HIVEP2: variants seen among roughly 807,000 people sequenced by gnomAD.
HIVEP2 encodes the protein transcription factor HIVEP2.
Under a neutral mutation model 180.7 loss-of-function variants are expected in HIVEP2, and 14 were observed. The ratio of observed to expected loss-of-function variants is 0.08; its 90% CI spans 0.05 to 0.12. The LOEUF is 0.12. Ranked by LOEUF, HIVEP2 falls within the 10% of genes least tolerant of loss-of-function variation. The pLI, the probability that HIVEP2 is intolerant of heterozygous loss-of-function variation, is 1.00. For missense variants in HIVEP2, 2,579 were observed against 3,008.5 expected, an observed-to-expected ratio of 0.86 and a Z score of 3.34; for synonymous variants, 1,184 against 1,136.4, an observed-to-expected ratio of 1.04 and a Z score of -0.84.
intron 2 of HIVEP2, among the ~76,000 whole-genome samples, chr6:142,801,980 C>T (rs1189387121): frequency 6.6e-6 from 1 of 152,060 alleles, no homozygotes; most frequent in Admixed American, 6.6e-5. Flanking sequence ...CTCACTGTGC[C>T]ATATTAATCT....
At chr6:142,799,750 T>C (rs1776361665) in intron 2 of HIVEP2, among the ~76,000 whole-genome samples, 1 of 152,136 alleles carries the variant, frequency 6.6e-6, no homozygotes, top group African/African-American at 2.4e-5. Flanking sequence ...AATAGCAAAC[T>C]AGTGACATCA....
intron 1 of HIVEP2, among the ~76,000 whole-genome samples, chr6:142,902,378 C>A (rs995534070): frequency 6.6e-6 from 1 of 152,160 alleles, no homozygotes; most frequent in Non-Finnish European, 1.5e-5. Flanking sequence ...TCCAAAATGT[C>A]AATTCCATCT....
intron 1 of HIVEP2, among the ~76,000 whole-genome samples, chr6:142,897,601 C>T (rs543097026): frequency 5.0e-4 from 76 of 152,214 alleles, no homozygotes; most frequent in African/African-American, 1.4e-3. Flanking sequence ...ACACACATGA[C>T]GCAGAGCATA....
intron 1 of HIVEP2, among the ~76,000 whole-genome samples, chr6:142,906,102 C>A (rs1777258616): frequency 6.6e-6 from 1 of 152,052 alleles, no homozygotes; most frequent in Admixed American, 6.5e-5. Flanking sequence ...CCATTGCACT[C>A]CAGCCTAGTT....
intron 1 of HIVEP2, among the ~76,000 whole-genome samples, chr6:142,885,893 A>T (rs113865262): frequency 1.9e-4 from 29 of 152,170 alleles, no homozygotes; most frequent in Admixed American, 2.0e-4. Flanking sequence ...TCAAATAATG[A>T]TTTCTCTTCT....
At chr6:142,825,927 A>G (rs1362214359) in intron 2 of HIVEP2, among the ~76,000 whole-genome samples, 1 of 152,090 alleles carries the variant, frequency 6.6e-6, no homozygotes, top group African/African-American at 2.4e-5. Context: ...GGGCATATGT[A>G]AAATAAAAAT....
In HIVEP2 at chr6:142,768,614, T is replaced by C. The variant is rs978904829; in HGVS notation, c.5188-78A>G. 11 of 1,442,458 alleles carry C rather than the reference T, an allele frequency of 7.6e-6. No individual in the cohort carries two copies. In the African/African-American group the frequency reaches 1.4e-4, roughly 19 times the overall value. The allele number at this position is 1,442,458 out of a possible 1,614,324, so 89.4% of individuals were successfully genotyped here. The stretch of plus-strand genomic sequence containing the variant: ...GCCCCTATGTCCCACTCTTCCATCA[T>C]CTCTGAAAATGAGCCTAAATTCTGT... On this transcript the variant is annotated intron_variant, in intron 5 of 9. Transcript: ENST00000367603.
intron 2 of HIVEP2, among the ~76,000 whole-genome samples, chr6:142,826,191 C>G (rs1028401496): frequency 6.6e-6 from 1 of 152,108 alleles, no homozygotes; most frequent in East Asian, 1.9e-4. Context: ...TTACATAATT[C>G]TTGGTTTAGG....
intron 1 of HIVEP2, among the ~76,000 whole-genome samples, chr6:142,913,654 C>A (rs899376618): frequency 6.6e-5 from 10 of 152,188 alleles, no homozygotes; most frequent in Non-Finnish European, 1.0e-4. Context: ...GAGAGCACAA[C>A]TGATGACAAT....
chr6:142,849,807 C>T (rs550640558), intron 1 of HIVEP2, among the ~76,000 whole-genome samples: 4 of 152,258 alleles, frequency 2.6e-5, no homozygotes, highest in East Asian at 3.9e-4. Flanking sequence ...GTATGAGCCA[C>T]CACGCCTGGC....
chr6:142,926,878 G>C (rs7772306), intron 1 of HIVEP2, among the ~76,000 whole-genome samples: 41 of 152,102 alleles, frequency 2.7e-4, no homozygotes, highest in East Asian at 2.5e-3. Flanking sequence ...CGGCAGGAAG[G>C]GGGGAGGCCG....
intron 1 of HIVEP2, among the ~76,000 whole-genome samples, chr6:142,935,071 T>G (rs1778020654): frequency 6.6e-6 from 1 of 152,136 alleles, no homozygotes; most frequent in Non-Finnish European, 1.5e-5. Flanking sequence ...TATCCAACTG[T>G]AGGGAGAAAC....
chr6:142,798,394 T>C (rs1392300019), intron 2 of HIVEP2, among the ~76,000 whole-genome samples: 1 of 152,132 alleles, frequency 6.6e-6, no homozygotes, highest in Admixed American at 6.6e-5. Context: ...TCAATAATGT[T>C]TCCATTTTTG....
intron 1 of HIVEP2, among the ~76,000 whole-genome samples, chr6:142,853,943 G>T (rs1275579611): frequency 1.3e-5 from 2 of 152,112 alleles, no homozygotes; most frequent in African/African-American, 4.8e-5. Flanking sequence ...GGAAGAGAAG[G>T]GAATTCCTAC....
intron 2 of HIVEP2, among the ~76,000 whole-genome samples, chr6:142,799,364 C>T (rs960723430): frequency 1.3e-5 from 2 of 152,058 alleles, no homozygotes; most frequent in African/African-American, 4.8e-5. Context: ...GAGGAGACAG[C>T]GCTATCTATG....
intron 2 of HIVEP2, chr6:142,788,127 G>C (rs1286295234): frequency 1.3e-5 from 2 of 152,158 alleles, no homozygotes; most frequent in African/African-American, 2.4e-5. Flanking sequence ...ATGTGCATTA[G>C]AGATTGTAAC....
intron 5 of HIVEP2, 70 bp from the exon 6 acceptor site, chr6:142,768,606 T>G: frequency 6.8e-7 from 1 of 1,474,346 alleles, no homozygotes; most frequent in Non-Finnish European, 9.3e-7. Flanking sequence ...TGTCCCACTC[T>G]TCCATCATCT....
intron 1 of HIVEP2, among the ~76,000 whole-genome samples, chr6:142,933,891 A>T (rs1777993039): frequency 6.6e-6 from 1 of 152,232 alleles, no homozygotes; most frequent in South Asian, 2.1e-4. Context: ...GAAAAAGTAA[A>T]CAGATTACAA....
At chr6:142,856,345 G>T (rs1357469939) in intron 1 of HIVEP2, among the ~76,000 whole-genome samples, 1 of 152,090 alleles carries the variant, frequency 6.6e-6, no homozygotes, top group African/African-American at 2.4e-5. Context: ...CTGCCCCCAA[G>T]ACACTGAAGA....
Sources: gnomAD v4.1 joint callset for allele counts (sites outside exome capture counted in the v4.1 genomes callset) on GRCh38, gnomAD v4.1.1 for gene constraint, MANE v1.5 for transcripts, NCBI Gene and HGNC (gene_info 2026-07-23, HGNC 2026-07-21) for gene names.